CDYL2: variants seen among roughly 807,000 people sequenced by gnomAD.
CDYL2 encodes chromodomain Y like 2.
In CDYL2, 23 loss-of-function variants were observed where a neutral mutation model predicts 49.4. The observed-to-expected ratio is 0.47, with a 90% confidence interval of 0.34 to 0.66. The LOEUF is 0.66. Ranked by LOEUF, CDYL2 falls within the 30% of genes least tolerant of loss-of-function variation. CDYL2 has a pLI of 0.01. For missense variants in CDYL2, 678 were observed against 656.4 expected, an observed-to-expected ratio of 1.03 and a Z score of -0.36; for synonymous variants, 360 against 268.8, an observed-to-expected ratio of 1.34 and a Z score of -3.32.
intron 2 of CDYL2, among the ~76,000 whole-genome samples, chr16:80,666,841 C>T (rs1909285145): frequency 6.6e-6 from 1 of 152,168 alleles, no homozygotes; most frequent in Non-Finnish European, 1.5e-5. Context: ...TCTCTTTCAT[C>T]TATTCATTCA....
At chr16:80,765,799 G>A (rs1303845689) in intron 1 of CDYL2, among the ~76,000 whole-genome samples, 2 of 145,652 alleles carry the variant, frequency 1.4e-5, no homozygotes, top group South Asian at 2.2e-4. Flanking sequence ...CTGGCTACCT[G>A]GGAGGCTGAG....
intron 1 of CDYL2, among the ~76,000 whole-genome samples, chr16:80,726,249 A>G (rs1320201570): frequency 6.6e-6 from 1 of 152,218 alleles, no homozygotes; most frequent in Non-Finnish European, 1.5e-5. Flanking sequence ...TTGTAACTCA[A>G]ATCAATATTC....
At chr16:80,788,920 TTTTG>T (rs1196853376) in intron 1 of CDYL2, among the ~76,000 whole-genome samples, 1 of 152,078 alleles carries the variant, frequency 6.6e-6, no homozygotes, top group Non-Finnish European at 1.5e-5. Context: ...ACTATGACTG[TTTTG>T]TTTGTTTGTT....
At chr16:80,692,521 A>G (rs1185402590) in intron 1 of CDYL2, among the ~76,000 whole-genome samples, 2 of 152,238 alleles carry the variant, frequency 1.3e-5, no homozygotes, top group Non-Finnish European at 2.9e-5. Context: ...TTTTTAACGT[A>G]AAACTGGAGA....
At chr16:80,791,839 T>C (rs1052043938) in intron 1 of CDYL2, among the ~76,000 whole-genome samples, 3 of 152,130 alleles carry the variant, frequency 2.0e-5, no homozygotes, top group African/African-American at 7.2e-5. Context: ...CATAATAAAA[T>C]GGACATTGTT....
At chr16:80,622,835 C>G (rs1388641939) in intron 3 of CDYL2, among the ~76,000 whole-genome samples, 1 of 152,134 alleles carries the variant, frequency 6.6e-6, no homozygotes, top group African/African-American at 2.4e-5. Context: ...GCATGCAGCC[C>G]GGCTATTCAG....
intron 2 of CDYL2, among the ~76,000 whole-genome samples, chr16:80,636,664 G>C (rs145824263): frequency 2.8e-4 from 43 of 152,240 alleles, no homozygotes; most frequent in African/African-American, 7.9e-4. Context: ...CAAGGATCTA[G>C]AACTAGAAAT....
chr16:80,775,487 T>G (rs1458373405), intron 1 of CDYL2, among the ~76,000 whole-genome samples: 2 of 151,676 alleles, frequency 1.3e-5, no homozygotes, highest in Non-Finnish European at 2.9e-5. Context: ...ATTCTAGACA[T>G]TGGTAGAAAA....
intron 1 of CDYL2, among the ~76,000 whole-genome samples, chr16:80,697,073 A>T (rs540440289): frequency 6.6e-6 from 1 of 152,220 alleles, no homozygotes; most frequent in Non-Finnish European, 1.5e-5. Context: ...AACTCATTCT[A>T]TGAGGCCAGT....
At chr16:80,766,607 A>C (rs1054347680) in intron 1 of CDYL2, among the ~76,000 whole-genome samples, 1 of 152,124 alleles carries the variant, frequency 6.6e-6, no homozygotes, top group South Asian at 2.1e-4. Flanking sequence ...CTCTTACTCA[A>C]CTCCCTTTAC....
chr16:80,799,010 T>A (rs1356781100), intron 1 of CDYL2, among the ~76,000 whole-genome samples: 1 of 151,828 alleles, frequency 6.6e-6, no homozygotes, highest in African/African-American at 2.4e-5. Context: ...TTACCTACAT[T>A]ATCTATATAT....
At chr16:80,689,226 A>G (rs1910316622) in intron 1 of CDYL2, among the ~76,000 whole-genome samples, 1 of 152,184 alleles carries the variant, frequency 6.6e-6, no homozygotes, top group African/African-American at 2.4e-5. Context: ...GATCCCAGCT[A>G]ATGTGAGACT....
intron 1 of CDYL2, among the ~76,000 whole-genome samples, chr16:80,701,971 A>G (rs1434252319): frequency 6.6e-6 from 1 of 152,226 alleles, no homozygotes; most frequent in African/African-American, 2.4e-5. Context: ...AGCAAGCCTG[A>G]AAACATCCCT....
At chr16:80,776,625 G>A (rs1412176865) in intron 1 of CDYL2, among the ~76,000 whole-genome samples, 1 of 149,166 alleles carries the variant, frequency 6.7e-6, no homozygotes, top group Non-Finnish European at 1.5e-5. Context: ...TTAATATTTT[G>A]TGTATTTATA....
chr16:80,723,373 C>T (rs1038487880), intron 1 of CDYL2, among the ~76,000 whole-genome samples: 3 of 152,202 alleles, frequency 2.0e-5, no homozygotes, highest in African/African-American at 7.2e-5. Context: ...GATGAACATT[C>T]AATTTACAGT....
chr16:80,755,907 C>A, intron 1 of CDYL2, among the ~76,000 whole-genome samples: 1 of 152,094 alleles, frequency 6.6e-6, no homozygotes, highest in African/African-American at 2.4e-5. Context: ...TTCTGTAAAC[C>A]TAAAACTGCT....
chr16:80,725,104 A>C (rs1905121797), intron 1 of CDYL2, among the ~76,000 whole-genome samples: 1 of 152,120 alleles, frequency 6.6e-6, no homozygotes, highest in South Asian at 2.1e-4. Context: ...CTTTCCCACC[A>C]CAGAGCCTTG....
Position 80,754,306 on chromosome 16 carries a change from A to G in CDYL2, c.24+49844T>C, listed in dbSNP as rs149192316. Among the ~76,000 whole-genome samples the G allele has an allele frequency of 9.8e-5, 15 of 152,300 alleles. No homozygotes were observed. In the East Asian group the frequency reaches 2.9e-3, roughly 29 times the overall value. On this transcript the variant is annotated intron_variant, in intron 1 of 6. Transcript: ENST00000570137. Reference sequence around the variant, plus strand: ...ACAACCAACAGGTGGACAGAGCCCAAGGAGAGATATCCAGAATATATGGCT... The same window carrying G: ...ACAACCAACAGGTGGACAGAGCCCAGGGAGAGATATCCAGAATATATGGCT...
At chr16:80,654,453 G>C (rs997560457) in intron 2 of CDYL2, among the ~76,000 whole-genome samples, 1 of 152,162 alleles carries the variant, frequency 6.6e-6, no homozygotes, top group Non-Finnish European at 1.5e-5. Context: ...ACACCATTCT[G>C]GTAATATTTG....
Sources: allele counts gnomAD v4.1 joint callset (sites outside exome capture counted in the v4.1 genomes callset), GRCh38; gene constraint gnomAD v4.1.1; transcripts MANE v1.5; gene names NCBI Gene and HGNC (gene_info 2026-07-23, HGNC 2026-07-21).